CIB4: variants seen among roughly 807,000 people sequenced by gnomAD.
CIB4 encodes calcium and integrin-binding family member 4.
CIB4 carries 25 observed loss-of-function variants against 25.8 expected under a neutral mutation model. That is an observed-to-expected ratio of 0.97 (90% confidence interval 0.71 to 1.35). The LOEUF is 1.35. CIB4 is among the 40% of genes most tolerant of loss of function. CIB4 has a pLI of 0.00. For missense variants in CIB4, 235 were observed against 228.2 expected (o/e 1.03, Z -0.19); for synonymous variants, 75 against 81.4 (o/e 0.92, Z 0.42).
At chr2:26,598,426 G>C (rs1289338908) in intron 3 of CIB4, among the ~76,000 whole-genome samples, 2 of 152,152 alleles carry the variant, frequency 1.3e-5, no homozygotes, top group Non-Finnish European at 2.9e-5. Context: ...TGAGAGGCAC[G>C]GGAGGGGGCC....
intron 2 of CIB4, among the ~76,000 whole-genome samples, 165 bp downstream of exon 2, chr2:26,640,368 C>T (rs1394916760): frequency 6.6e-6 from 1 of 152,256 alleles, no homozygotes; most frequent in East Asian, 1.9e-4. Flanking sequence ...ATCGTGGCCC[C>T]TGGGCCCTCC....
intron 3 of CIB4, among the ~76,000 whole-genome samples, chr2:26,600,425 CAAAT>C (rs1205145896): frequency 2.0e-5 from 3 of 152,048 alleles, no homozygotes; most frequent in Non-Finnish European, 4.4e-5. Context: ...AATAAATAAA[CAAAT>C]AAAGAAATAA....
intron 2 of CIB4, among the ~76,000 whole-genome samples, chr2:26,638,466 A>G (rs1669574247): frequency 6.6e-6 from 1 of 152,010 alleles, no homozygotes; most frequent in Non-Finnish European, 1.5e-5. Flanking sequence ...AACCCTTCCC[A>G]TACTCCTCTC....
intron 4 of CIB4, among the ~76,000 whole-genome samples, chr2:26,586,877 C>A (rs564015378): frequency 6.6e-6 from 1 of 152,280 alleles, no homozygotes; most frequent in African/African-American, 2.4e-5. Flanking sequence ...GCACAGACAA[C>A]TTCTGGGACC....
intron 3 of CIB4, among the ~76,000 whole-genome samples, chr2:26,601,217 C>CAAAAAAAAAAAA (rs142951418): frequency 4.2e-4 from 10 of 23,696 alleles, no homozygotes; most frequent in African/African-American, 1.8e-3. Context: ...GAGACCATGT[C>CAAAAAAAAAAAA]AAAAAAAAAA....
At position 26,635,628 on chromosome 2, in the gene CIB4, G is replaced by A. The variant is rs554812649; in HGVS notation, c.89+4905C>T. ...GTAGCCCAGGATGGCCACTTTCTCC[G>A]TGAGTATCACATGCCTTCTGCTCCC... On this transcript the variant is annotated intron_variant, in intron 2 of 6. Transcript: ENST00000288861. Among the ~76,000 whole-genome samples the A allele has an allele frequency of 4.6e-5, 7 of 152,126 alleles. No homozygotes were observed. The East Asian group carries it at 5.8e-4, about 13-fold the overall frequency.
At chr2:26,602,931 T>C (rs1452819057) in intron 3 of CIB4, among the ~76,000 whole-genome samples, 5 of 152,096 alleles carry the variant, frequency 3.3e-5, no homozygotes, top group African/African-American at 4.8e-5. Context: ...GTTCTGTGCC[T>C]GTAGTCCTAG....
chr2:26,583,972 G>GGTGCTGTGTCCCCCA, intron 4 of CIB4, 74 bp from the exon 5 acceptor site: 1 of 947,874 alleles, frequency 1.1e-6, no homozygotes, highest in Non-Finnish European at 1.7e-6. Flanking sequence ...GGAGTCCTGG[G>GGTGCTGTGTCCCCCA]GGACACAGCA....
chr2:26,618,693 G>A (rs1410922935), intron 3 of CIB4, among the ~76,000 whole-genome samples: 2 of 152,220 alleles, frequency 1.3e-5, no homozygotes, highest in Non-Finnish European at 1.5e-5. Flanking sequence ...TGCTGGGGAA[G>A]GGTCTACGTG....
At chr2:26,637,792 G>C (rs1266641674) in intron 2 of CIB4, among the ~76,000 whole-genome samples, 1 of 152,118 alleles carries the variant, frequency 6.6e-6, no homozygotes, top group Non-Finnish European at 1.5e-5. Flanking sequence ...CTGCTTCCCA[G>C]GCTGTGGTCT....
At chr2:26,620,557 C>T (rs1051359092) in intron 3 of CIB4, among the ~76,000 whole-genome samples, 4 of 152,186 alleles carry the variant, frequency 2.6e-5, no homozygotes, top group Non-Finnish European at 4.4e-5. Context: ...ACCTCACCAG[C>T]CCTCTTTCCT....
At chr2:26,607,085 ACT>A (rs1668903318) in intron 3 of CIB4, among the ~76,000 whole-genome samples, 1 of 152,140 alleles carries the variant, frequency 6.6e-6, no homozygotes, top group Non-Finnish European at 1.5e-5. Context: ...ATCTGCCCTA[ACT>A]ACCTCTCCTA....
intron 4 of CIB4, among the ~76,000 whole-genome samples, chr2:26,589,590 G>A (rs1668547383): frequency 6.6e-6 from 1 of 152,142 alleles, no homozygotes; most frequent in African/African-American, 2.4e-5. Context: ...TCAAAGTGCT[G>A]GGATTACAGG....
chr2:26,638,325 C>T (rs1014660865), intron 2 of CIB4, among the ~76,000 whole-genome samples: 10 of 152,070 alleles, frequency 6.6e-5, no homozygotes, highest in Non-Finnish European at 1.0e-4. Flanking sequence ...GGGAGGAGGT[C>T]GTCTCAGGTC....
chr2:26,621,905 A>ACT (rs991049043), intron 3 of CIB4, among the ~76,000 whole-genome samples: 25 of 152,236 alleles, frequency 1.6e-4, no homozygotes, highest in Non-Finnish European at 5.9e-5. Context: ...AAGACTTAGA[A>ACT]GATTGGCAGA....
At chr2:26,615,256 C>T (rs778963875) in intron 3 of CIB4, among the ~76,000 whole-genome samples, 9 of 152,194 alleles carry the variant, frequency 5.9e-5, no homozygotes, top group Non-Finnish European at 1.3e-4. Context: ...CAGAATGCCT[C>T]TCCATCCCCT....
chr2:26,581,321 T>C lies in CIB4; in HGVS notation c.*42A>G. On this transcript the variant is annotated 3_prime_UTR_variant, in exon 7 of 7. Transcript: ENST00000288861. ...AGTGCTGGAGGGGGTTCGATTCCTG[T>C]GGTCTCCCTCGAGGCTGCCATGTCA... The C allele has an allele frequency of 1.3e-6, 2 of 1,580,408 alleles. No individual in the cohort carries two copies. Among genetic ancestry groups the C allele is most frequent in the Non-Finnish European group, 1.7e-6 (2 of 1,149,466 alleles).
At chr2:26,591,713 G>A (rs970405112) in intron 4 of CIB4, among the ~76,000 whole-genome samples, 3 of 152,192 alleles carry the variant, frequency 2.0e-5, no homozygotes, top group Non-Finnish European at 2.9e-5. Flanking sequence ...CCACCATCAC[G>A]CTGTCTTTTA....
In CIB4 at chr2:26,594,052, AT is replaced by A. The variant is rs548172283; in HGVS notation, c.328+1123del. On this transcript the variant is annotated intron_variant, in intron 4 of 6. Coordinates refer to ENST00000288861, the MANE Select transcript of CIB4 (RefSeq NM_001029881.3). Reference sequence around the variant, plus strand: ...CCACTCACTGAAGCCTACCTTCAGGATAAAAAAGTTAAAAATAAAAAAAGTG... The same window carrying A: ...CCACTCACTGAAGCCTACCTTCAGGAAAAAAAGTTAAAAATAAAAAAAGTG... Among the ~76,000 whole-genome samples the A allele has an allele frequency of 3.9e-4, 59 of 152,324 alleles. No homozygotes were observed. The South Asian group carries it at 0.012, about 32-fold the overall frequency.
Sources: allele counts gnomAD v4.1 joint callset (sites outside exome capture counted in the v4.1 genomes callset), GRCh38; gene constraint gnomAD v4.1.1; transcripts MANE v1.5; gene names NCBI Gene and HGNC (gene_info 2026-07-23, HGNC 2026-07-21).